The following ARFIP1 variants were observed in gnomAD, a reference collection of about 807,000 sequenced individuals.
The protein encoded by ARFIP1 is ARF interacting protein 1.
ARFIP1 carries 24 observed loss-of-function variants against 42.5 expected under a neutral mutation model. The ratio of observed to expected loss-of-function variants is 0.57; its 90% confidence interval spans 0.41 to 0.80. The LOEUF (loss-of-function observed/expected upper bound fraction) is 0.80. Among genes scored for constraint, ARFIP1 ranks in the 30% least tolerant of loss-of-function variants. The probability of loss-of-function intolerance (pLI) is 0.00; values close to 1 mark genes in which losing one functional copy is unlikely to be tolerated. For missense variants in ARFIP1, 354 were observed against 434.0 expected (o/e 0.82, Z 1.64); for synonymous variants, 141 against 153.7 (o/e 0.92, Z 0.61).
intron 1 of ARFIP1, among the ~76,000 whole-genome samples, chr4:152,787,144 C>G (rs1454503120): frequency 2.0e-5 from 3 of 152,174 alleles, no homozygotes; most frequent in Non-Finnish European, 4.4e-5. Context: ...AGCTCAGTAC[C>G]TGACACCTAA....
chr4:152,832,050 T>C (rs1440838701), intron 2 of ARFIP1, among the ~76,000 whole-genome samples: 1 of 152,210 alleles, frequency 6.6e-6, no homozygotes, highest in Non-Finnish European at 1.5e-5. Context: ...GTTTCCAGTT[T>C]ATGATTATTA....
chr4:152,814,938 T>C (rs1276719229), intron 1 of ARFIP1, among the ~76,000 whole-genome samples: 1 of 152,204 alleles, frequency 6.6e-6, no homozygotes, highest in African/African-American at 2.4e-5. Flanking sequence ...GATTTCTTTT[T>C]AAATTGTGTT....
intron 1 of ARFIP1, among the ~76,000 whole-genome samples, chr4:152,800,984 G>C (rs1728374767): frequency 1.3e-5 from 2 of 152,024 alleles, no homozygotes; most frequent in African/African-American, 4.8e-5. Flanking sequence ...AAATACGTAT[G>C]GAGAAGAGTA....
At chr4:152,875,977 A>G (rs1461507094) in intron 5 of ARFIP1, among the ~76,000 whole-genome samples, 1 of 152,028 alleles carries the variant, frequency 6.6e-6, no homozygotes, top group African/African-American at 2.4e-5. Context: ...CTGCCACCAT[A>G]TAAGAAGTAC....
At chr4:152,842,009 A>G (rs1732126670) in intron 2 of ARFIP1, among the ~76,000 whole-genome samples, 1 of 152,186 alleles carries the variant, frequency 6.6e-6, no homozygotes, top group Non-Finnish European at 1.5e-5. Context: ...GCGGGGACTG[A>G]GAGACAGGAC....
chr4:152,826,549 C>CT (rs1313466297), intron 1 of ARFIP1, among the ~76,000 whole-genome samples: 1 of 152,118 alleles, frequency 6.6e-6, no homozygotes, highest in Non-Finnish European at 1.5e-5. Context: ...GACGGGTGAA[C>CT]TAAAACCTTA....
At chr4:152,829,539 A>C (rs1327168965) in intron 1 of ARFIP1, 86 bp from the exon 2 acceptor site, 4 of 752,190 alleles carry the variant, frequency 5.3e-6, no homozygotes, top group Non-Finnish European at 8.4e-6. Context: ...AAATATTAAA[A>C]CGGTGGCTTG....
chr4:152,797,914 A>G (rs1436034796), intron 1 of ARFIP1, among the ~76,000 whole-genome samples: 1 of 152,002 alleles, frequency 6.6e-6, no homozygotes, highest in African/African-American at 2.4e-5. Context: ...CCTCTGATTG[A>G]TTTTTCTTAA....
intron 1 of ARFIP1, among the ~76,000 whole-genome samples, chr4:152,780,438 C>T (rs771343215): frequency 1.1e-4 from 17 of 152,148 alleles, no homozygotes; most frequent in Non-Finnish European, 2.4e-4. Flanking sequence ...CCGAAACAGT[C>T]GAGTGAAGGT....
At chr4:152,876,213 G>T (rs962847033) in intron 5 of ARFIP1, among the ~76,000 whole-genome samples, 2 of 152,192 alleles carry the variant, frequency 1.3e-5, no homozygotes, top group African/African-American at 2.4e-5. Context: ...AGTTTGAAGG[G>T]CTCAGAAGAA....
At chr4:152,822,296 T>TAAAAAAAAAAAAAAAAAAAAAAAACAAA (rs70949618) in intron 1 of ARFIP1, among the ~76,000 whole-genome samples, 1 of 65,578 alleles carries the variant, frequency 1.5e-5, no homozygotes, top group African/African-American at 5.1e-5. Context: ...GCAACAGCAG[T>TAAAAAAAAAAAAAAAAAAAAAAAACAAA]AAAAAAAAAA....
At chr4:152,816,310 G>A (rs754082017) in intron 1 of ARFIP1, among the ~76,000 whole-genome samples, 14 of 152,166 alleles carry the variant, frequency 9.2e-5, no homozygotes, top group Non-Finnish European at 1.2e-4. Flanking sequence ...AGTCACACAC[G>A]TTCTTGCCAC....
chr4:152,805,063 T>G (rs1728895346), intron 1 of ARFIP1, among the ~76,000 whole-genome samples: 1 of 152,154 alleles, frequency 6.6e-6, no homozygotes, highest in African/African-American at 2.4e-5. Context: ...AAAGGCCAGA[T>G]TTTTAGTGAT....
At chr4:152,819,084 C>T (rs748582619) in intron 1 of ARFIP1, among the ~76,000 whole-genome samples, 1 of 152,102 alleles carries the variant, frequency 6.6e-6, no homozygotes, top group Non-Finnish European at 1.5e-5. Flanking sequence ...AACCCCATGG[C>T]CCTGCCCATT....
Position 152,882,810 on chromosome 4 carries a change from A to T in ARFIP1, c.721A>T (p.Ser241Cys). 1 of 1,612,468 alleles carries T rather than the reference A, an allele frequency of 6.2e-7. No homozygotes were observed. The highest frequency in any genetic ancestry group is 8.5e-7 in the Non-Finnish European group (1 of 1,179,224). The part of the protein sequence containing the change: ...LLGAINFFIA[S>C]VNTLVNKTIE... ...TGGGGCCATTAATTTTTTCATTGCT[A>T]GTGTGAACACTTTGGTGAATAAAAC... Residue 241 changes from serine to cysteine, a missense_variant, in exon 7 of 9, where the codon AGT (serine) becomes TGT (cysteine). Transcript: ENST00000353617.
chr4:152,813,223 AT>A (rs142876087), intron 1 of ARFIP1, among the ~76,000 whole-genome samples: 7,039 of 152,228 alleles, frequency 0.046, 545 homozygotes, highest in African/African-American at 0.16. Context: ...ACAGGAGGAT[AT>A]GCATAGGTTA....
chr4:152,894,926 G>C (rs1737185020), intron 8 of ARFIP1, among the ~76,000 whole-genome samples: 1 of 152,196 alleles, frequency 6.6e-6, no homozygotes, highest in South Asian at 2.1e-4. Flanking sequence ...GAACCAGAGA[G>C]TATTCCAGGA....
intron 8 of ARFIP1, among the ~76,000 whole-genome samples, chr4:152,907,903 G>A (rs935432205): frequency 4.6e-5 from 7 of 152,212 alleles, no homozygotes; most frequent in African/African-American, 1.2e-4. Flanking sequence ...GATTCTTAGC[G>A]GTAAAATTAC....
At chr4:152,882,322 G>A (rs1735912149) in intron 6 of ARFIP1, among the ~76,000 whole-genome samples, 1 of 152,094 alleles carries the variant, frequency 6.6e-6, no homozygotes, top group East Asian at 1.9e-4. Flanking sequence ...TTTGTTTTAT[G>A]TCTGAAAGTT....
Sources: allele counts gnomAD v4.1 joint callset (sites outside exome capture counted in the v4.1 genomes callset), GRCh38; gene constraint gnomAD v4.1.1; transcripts MANE v1.5; gene names NCBI Gene and HGNC (gene_info 2026-07-23, HGNC 2026-07-21).